NFIB: variants seen among roughly 807,000 people sequenced by gnomAD.
The protein encoded by NFIB is nuclear factor I B.
NFIB carries 11 observed loss-of-function variants against 61.5 expected under a neutral mutation model. That is an observed-to-expected ratio of 0.18 (90% CI 0.11 to 0.30). The LOEUF (loss-of-function observed/expected upper bound fraction) is 0.30. Ranked by LOEUF, NFIB falls within the 10% of genes least tolerant of loss-of-function variation. NFIB has a pLI of 1.00. For missense variants in NFIB, 471 were observed against 608.9 expected, an observed-to-expected ratio of 0.77 and a Z score of 2.38; for synonymous variants, 260 against 216.5, an observed-to-expected ratio of 1.20 and a Z score of -1.76.
chr9:14,293,664 C>A (rs1020807700), intron 2 of NFIB, among the ~76,000 whole-genome samples: 2 of 152,218 alleles, frequency 1.3e-5, no homozygotes, highest in Non-Finnish European at 2.9e-5. Flanking sequence ...GACTTTAAAA[C>A]GGAGTCTACT....
intron 7 of NFIB, among the ~76,000 whole-genome samples, chr9:14,122,751 A>ACC (rs2119182155): frequency 6.6e-6 from 1 of 152,276 alleles, no homozygotes; most frequent in African/African-American, 2.4e-5. Context: ...AGCTTTTGAG[A>ACC]TTAATTTGGC....
At chr9:14,096,522 C>G (rs1440910340) in intron 10 of NFIB, 1 of 152,164 alleles carries the variant, frequency 6.6e-6, no homozygotes, top group Non-Finnish European at 1.5e-5. Context: ...ACTGCAGATC[C>G]TGCTGCTTCT....
intron 2 of NFIB, among the ~76,000 whole-genome samples, chr9:14,215,098 T>C (rs1387011895): frequency 3.3e-5 from 5 of 152,210 alleles, no homozygotes; most frequent in African/African-American, 1.2e-4. Flanking sequence ...TCAAAGTAAA[T>C]AGCTCAGTAA....
chr9:14,209,684 G>C (rs933504725), intron 2 of NFIB, among the ~76,000 whole-genome samples: 3 of 152,216 alleles, frequency 2.0e-5, no homozygotes, highest in African/African-American at 7.2e-5. Flanking sequence ...AGAAGTTAAT[G>C]CATCCTACCA....
intron 2 of NFIB, among the ~76,000 whole-genome samples, chr9:14,239,018 T>C (rs998154602): frequency 1.3e-5 from 2 of 152,234 alleles, no homozygotes; most frequent in Admixed American, 6.5e-5. Context: ...AAAGCTGTTA[T>C]GTTATACAAT....
At chr9:14,160,383 G>T (rs931796838) in intron 3 of NFIB, among the ~76,000 whole-genome samples, 3 of 151,848 alleles carry the variant, frequency 2.0e-5, no homozygotes, top group Non-Finnish European at 4.4e-5. Context: ...AAAATCCAAA[G>T]GAAGACTGAT....
In NFIB at chr9:14,085,000, T is replaced by C. The variant is rs1484294788; in HGVS notation, c.*3309A>G. On this transcript the variant is annotated 3_prime_UTR_variant, in exon 11 of 11. Coordinates refer to ENST00000380953, the MANE Select transcript of NFIB (RefSeq NM_001190737.2). ...GAGCGAGTCTGCCTTTAAAAAATAC[T>C]GTGTGTCCTGTGAGGTTCATTTGTT... is the stretch of plus-strand genomic sequence containing the variant. 5 of 229,100 alleles carry C rather than the reference T, an allele frequency of 2.2e-5. No individual in the cohort carries two copies. The East Asian group carries it at 2.5e-4, about 11-fold the overall frequency. 14.2% of individuals were successfully genotyped at this position (229,100 alleles called of 1,614,324 possible). A position where few individuals can be genotyped will look rare whatever the true frequency, so the allele number is the denominator to read the frequency against.
At chr9:14,458,996 C>G in the NFIB span, among the ~76,000 whole-genome samples, 3 of 152,244 alleles carry the variant, frequency 2.0e-5, no homozygotes, top group East Asian at 5.8e-4. Context: ...TGACTTTCTT[C>G]ACAGAATTGG....
intron 2 of NFIB, among the ~76,000 whole-genome samples, chr9:14,234,156 A>G (rs1394070399): frequency 6.6e-6 from 1 of 152,170 alleles, no homozygotes; most frequent in Non-Finnish European, 1.5e-5. Context: ...TCCTAAGGTA[A>G]AATGTCAGAG....
At chr9:14,174,853 C>T (rs893608023) in intron 3 of NFIB, among the ~76,000 whole-genome samples, 1 of 151,428 alleles carries the variant, frequency 6.6e-6, no homozygotes, top group Non-Finnish European at 1.5e-5. Flanking sequence ...CTTTGAACAC[C>T]ATATTCCAAG....
At chr9:14,192,649 T>C (rs1176625695) in intron 2 of NFIB, among the ~76,000 whole-genome samples, 1 of 152,108 alleles carries the variant, frequency 6.6e-6, no homozygotes, top group East Asian at 1.9e-4. Context: ...CTCCAAACAG[T>C]GGTGAGTTTT....
At chr9:14,267,933 G>C (rs543762201) in intron 2 of NFIB, among the ~76,000 whole-genome samples, 1 of 152,258 alleles carries the variant, frequency 6.6e-6, no homozygotes, top group East Asian at 1.9e-4. Context: ...AGGAGTTCAA[G>C]ACCAGCCTGG....
rs73415728 is a variant in NFIB, at chr9:14,230,650, T to A, written c.563-50870A>T. ...CTTAGACTTAAAGGGTGAATAAAAA[T>A]TAGCTGGAGGAAATGGGATTAATAG... On this transcript the variant is annotated intron_variant, in intron 2 of 10. Transcript: ENST00000380953. 5.7e-3 allele frequency among the ~76,000 whole-genome samples: 868 copies of A among 152,120 alleles called. 7 individuals are homozygous for A. Among genetic ancestry groups the A allele is most frequent in the African/African-American group, 0.019 (802 of 41,498 alleles).
intron 4 of NFIB, among the ~76,000 whole-genome samples, chr9:14,151,537 C>A (rs2042874327): frequency 1.3e-5 from 2 of 152,014 alleles, no homozygotes; most frequent in African/African-American, 4.8e-5. Context: ...TGACATGATC[C>A]AAAACTGCTG....
intron 1 of NFIB, among the ~76,000 whole-genome samples, chr9:14,346,138 G>GCGTGGGGCA (rs2061016063): frequency 6.6e-6 from 1 of 152,136 alleles, no homozygotes; most frequent in Non-Finnish European, 1.5e-5. Context: ...CGCGGGGGGC[G>GCGTGGGGCA]CGTGGGGCAC....
At chr9:14,385,143 T>C (rs1736489128) in intron 1 of NFIB, among the ~76,000 whole-genome samples, 1 of 152,220 alleles carries the variant, frequency 6.6e-6, no homozygotes, top group African/African-American at 2.4e-5. Context: ...AGGGCTTTGA[T>C]GGATTCTTAT....
At chr9:14,431,077 C>T in the NFIB span, among the ~76,000 whole-genome samples, 1 of 152,074 alleles carries the variant, frequency 6.6e-6, no homozygotes, top group Non-Finnish European at 1.5e-5. Flanking sequence ...CAATGTAATT[C>T]AAAATTAGAA....
At chr9:14,408,361 A>T in the NFIB span, among the ~76,000 whole-genome samples, 1 of 152,198 alleles carries the variant, frequency 6.6e-6, no homozygotes, top group African/African-American at 2.4e-5. Context: ...ATTGTCATCA[A>T]CTATGAGTAG....
In NFIB at chr9:14,313,547, C is replaced by A. The variant is rs534204694; in HGVS notation, c.-36G>T. 1 of 1,613,034 alleles carries A rather than the reference C, an allele frequency of 6.2e-7. No homozygotes were observed. The highest frequency in any genetic ancestry group is 1.1e-5 in the South Asian group (1 of 90,922). On this transcript the variant is annotated 5_prime_UTR_variant, in exon 1 of 11. Coordinates refer to ENST00000380953, the MANE Select transcript of NFIB (RefSeq NM_001190737.2). The surrounding 1 kb of genome is among the most constrained non-coding windows in gnomAD (Gnocchi z 4.5). ...TAAAACGCACTTTCCGGGAGATGCC[C>A]AAGAAAATCTTCGAGAAGCAAGAAT...
Sources: allele counts gnomAD v4.1 joint callset (sites outside exome capture counted in the v4.1 genomes callset), GRCh38; gene constraint gnomAD v4.1.1; non-coding constraint Gnocchi (gnomAD v3.1); transcripts MANE v1.5; gene names NCBI Gene and HGNC (gene_info 2026-07-23, HGNC 2026-07-21).